The following SKAP1 variants were observed in gnomAD, a reference collection of about 807,000 sequenced individuals.
SKAP1 encodes the protein src kinase associated phosphoprotein 1, also known as src kinase-associated phosphoprotein 1.
Under a neutral mutation model 58.5 loss-of-function variants are expected in SKAP1, and 44 were observed. That is an observed-to-expected ratio of 0.75 (90% CI 0.59 to 0.97). SKAP1 has a LOEUF of 0.97. Ranked by LOEUF, SKAP1 falls within the 50% of genes least tolerant of loss-of-function variation. SKAP1 has a pLI of 0.00. For synonymous variants in SKAP1, 127 were observed against 149.7 expected, an observed-to-expected ratio of 0.85 and a Z score of 1.11; for missense variants, 390 against 435.2, an observed-to-expected ratio of 0.90 and a Z score of 0.92.
chr17:48,299,246 T>C (rs927749518), intron 4 of SKAP1, among the ~76,000 whole-genome samples: 1 of 152,244 alleles, frequency 6.6e-6, no homozygotes, highest in East Asian at 1.9e-4. Flanking sequence ...CATGCCCTTA[T>C]TGGCTGCCTC....
intron 4 of SKAP1, among the ~76,000 whole-genome samples, chr17:48,316,957 T>C (rs1008618697): frequency 6.6e-6 from 1 of 152,180 alleles, no homozygotes; most frequent in Non-Finnish European, 1.5e-5. Context: ...AAAATCCCAA[T>C]CTGATCCTTC....
intron 4 of SKAP1, among the ~76,000 whole-genome samples, chr17:48,234,507 T>A (rs2065159271): frequency 6.6e-6 from 1 of 152,130 alleles, no homozygotes. Flanking sequence ...TCATCTGGCA[T>A]GAGGTAAATG....
rs752043819 is a variant in SKAP1, at chr17:48,187,894, G to A, written c.391C>T (p.Arg131Ter). ...HSFFGSEWQK[R>*]WCVVSRGLFY... ...AGACCTCTGCTGACAACACACCATC[G>A]CTTCTGCCACTCCGATCCAAAGAAA... Residue 131 changes from arginine (R) to a stop codon, truncating the protein, a stop_gained, in exon 6 of 13, where the codon CGA (arginine) becomes TGA (stop). Coordinates refer to ENST00000336915, the MANE Select transcript of SKAP1 (RefSeq NM_003726.4). LOFTEE classifies it high-confidence loss of function. 8.1e-6 allele frequency: 13 copies of A among 1,613,870 alleles called. No homozygotes were observed. Among genetic ancestry groups the A allele is most frequent in the Non-Finnish European group, 1.1e-5 (13 of 1,179,838 alleles).
intron 1 of SKAP1, among the ~76,000 whole-genome samples, chr17:48,423,016 A>G (rs2144615951): frequency 6.6e-6 from 1 of 152,332 alleles, no homozygotes; most frequent in East Asian, 1.9e-4. Flanking sequence ...GAGCAGAAGC[A>G]TAATAGAAGA....
At chr17:48,180,277 A>G (rs2064350963) in intron 8 of SKAP1, 29 bp from the exon 9 acceptor site, 1 of 1,465,914 alleles carries the variant, frequency 6.8e-7, no homozygotes, top group African/African-American at 1.4e-5. Flanking sequence ...GAATGAATCA[A>G]GAAACAGAGA....
At chr17:48,256,544 C>T (rs999738694) in intron 4 of SKAP1, among the ~76,000 whole-genome samples, 2 of 152,066 alleles carry the variant, frequency 1.3e-5, no homozygotes, top group African/African-American at 4.8e-5. Context: ...AGACTAGACT[C>T]CACCAGCATC....
At chr17:48,284,278 T>C (rs1598509722) in intron 4 of SKAP1, among the ~76,000 whole-genome samples, 2 of 152,368 alleles carry the variant, frequency 1.3e-5, no homozygotes, top group African/African-American at 2.4e-5. Context: ...AAATAATTTC[T>C]GGAGGCCAAT....
intron 4 of SKAP1, among the ~76,000 whole-genome samples, chr17:48,236,288 GA>G (rs1436468437): frequency 1.3e-5 from 2 of 152,174 alleles, no homozygotes; most frequent in East Asian, 3.8e-4. Context: ...GAAGGGGACA[GA>G]ATGTAAACAA....
At chr17:48,215,582 G>C (rs1379880518) in intron 4 of SKAP1, among the ~76,000 whole-genome samples, 1 of 152,172 alleles carries the variant, frequency 6.6e-6, no homozygotes, top group African/African-American at 2.4e-5. Flanking sequence ...AGCCTGTTGT[G>C]AGATATGACT....
In SKAP1 at chr17:48,184,709, T is replaced by C; in HGVS notation, c.567+14A>G. On this transcript the variant is annotated intron_variant, in intron 7 of 12. Coordinates refer to ENST00000336915, the MANE Select transcript of SKAP1 (RefSeq NM_003726.4). ...AACACCAAGAAGGATCACCATCTCC[T>C]TGATGCGTCCTACCTCATAGCTGCG... The C allele has an allele frequency of 5.0e-6, 8 of 1,613,992 alleles. No homozygotes were observed. The highest frequency in any genetic ancestry group is 5.9e-6 in the Non-Finnish European group (7 of 1,179,886).
At chr17:48,153,555 C>A (rs2143175714) in intron 11 of SKAP1, among the ~76,000 whole-genome samples, 1 of 152,246 alleles carries the variant, frequency 6.6e-6, no homozygotes, top group South Asian at 2.1e-4. Flanking sequence ...TGTTGACCTG[C>A]TTGTTAACAT....
chr17:48,166,441 C>T (rs531476390), intron 10 of SKAP1, among the ~76,000 whole-genome samples: 10 of 152,224 alleles, frequency 6.6e-5, no homozygotes, highest in South Asian at 2.1e-4. Flanking sequence ...GCCTGTGTGA[C>T]GAGCAAAGTT....
rs535110268 is a variant in SKAP1 at position 48,209,736 on chromosome 17, A to G, written c.281-20236T>C. ...GTGATTTCAAACAGCAGGTGAAGGA[A>G]GATGAAGAAATAGATACTTTTCCCC... On this transcript the variant is annotated intron_variant, in intron 4 of 12. Transcript: ENST00000336915. Among the ~76,000 whole-genome samples the G allele has an allele frequency of 3.9e-4, 60 of 152,362 alleles. No individual in the cohort carries two copies. In the South Asian group the frequency reaches 0.012, roughly 31 times the overall value.
At chr17:48,190,411 C>G (rs1598410640) in intron 4 of SKAP1, among the ~76,000 whole-genome samples, 1 of 152,236 alleles carries the variant, frequency 6.6e-6, no homozygotes, top group East Asian at 1.9e-4. Flanking sequence ...TGCGCCCAGC[C>G]AAACTTAAGA....
chr17:48,353,756 C>G lies in SKAP1; in HGVS notation c.179-7750G>C, dbSNP rs546683337. ...ACTAAAAATACAAAAATTAGCTGGGCGTGGTGGCAGGTGCCTGTAATCCCA... is the reference window on the plus strand; with the variant it reads ...ACTAAAAATACAAAAATTAGCTGGGGGTGGTGGCAGGTGCCTGTAATCCCA... On this transcript the variant is annotated intron_variant, in intron 3 of 12. Transcript: ENST00000336915. Among the ~76,000 whole-genome samples, 3 of 151,686 alleles carry G rather than the reference C, an allele frequency of 2.0e-5. No individual in the cohort carries two copies. In the East Asian group the frequency reaches 5.8e-4, roughly 29 times the overall value.
chr17:48,170,020 G>A (rs1374003260), intron 10 of SKAP1, among the ~76,000 whole-genome samples: 1 of 152,192 alleles, frequency 6.6e-6, no homozygotes, highest in African/African-American at 2.4e-5. Flanking sequence ...TAGAAAGGAT[G>A]GGCTCACTAA....
intron 4 of SKAP1, among the ~76,000 whole-genome samples, chr17:48,277,295 T>C (rs768063843): frequency 1.3e-5 from 2 of 152,224 alleles, no homozygotes; most frequent in Non-Finnish European, 2.9e-5. Context: ...AAAGTTGCAT[T>C]CCTAGAAAAC....
At chr17:48,290,564 C>T (rs2065887277) in intron 4 of SKAP1, among the ~76,000 whole-genome samples, 2 of 152,352 alleles carry the variant, frequency 1.3e-5, no homozygotes, top group African/African-American at 4.8e-5. Context: ...TTAAGCTTTA[C>T]ACTGTACCTT....
chr17:48,442,134 T>A, the SKAP1 span, among the ~76,000 whole-genome samples: 11 of 152,156 alleles, frequency 7.2e-5, no homozygotes, highest in African/African-American at 2.7e-4. Context: ...TATGTAATTC[T>A]CATGTCGGTC....
Sources: gnomAD v4.1 joint callset for allele counts (sites outside exome capture counted in the v4.1 genomes callset) on GRCh38, gnomAD v4.1.1 for gene constraint, MANE v1.5 for transcripts, NCBI Gene and HGNC (gene_info 2026-07-23, HGNC 2026-07-21) for gene names.